Variants in ACP3 observed in about 807,000 individuals in gnomAD.
ACP3 encodes the protein prostatic acid phosphatase.
ACP3 carries 38 observed loss-of-function variants against 45.6 expected under a neutral mutation model. The ratio of observed to expected loss-of-function variants is 0.83; its 90% CI spans 0.64 to 1.09. The LOEUF (loss-of-function observed/expected upper bound fraction) is 1.09. ACP3 is among the 50% of genes least tolerant of loss of function. The pLI, the probability that ACP3 is intolerant of heterozygous loss-of-function variation, is 0.00. For missense variants in ACP3, 466 were observed against 463.2 expected (o/e 1.01, Z -0.05); for synonymous variants, 162 against 164.7 (o/e 0.98, Z 0.13).
At chr3:132,339,304 G>A (rs975382116) in intron 5 of ACP3, among the ~76,000 whole-genome samples, 7 of 152,198 alleles carry the variant, frequency 4.6e-5, no homozygotes, top group African/African-American at 1.4e-4. Context: ...AACACAGACA[G>A]AAGACTTCTG....
downstream of ACP3, among the ~76,000 whole-genome samples, chr3:132,361,094 A>T (rs80263927): frequency 1.6e-3 from 242 of 152,282 alleles, no homozygotes; most frequent in Non-Finnish European, 2.9e-3. Context: ...ATGTGCCAAC[A>T]TGTCTGTAGT....
At chr3:132,351,324 A>G (rs1209347711) in intron 8 of ACP3, among the ~76,000 whole-genome samples, 1 of 152,224 alleles carries the variant, frequency 6.6e-6, no homozygotes, top group African/African-American at 2.4e-5. Flanking sequence ...GACGCCAAGG[A>G]GAGACACAGT....
rs539207120 is a variant in ACP3 at position 132,327,499 on chromosome 3, G to A, written c.121-768G>A. On this transcript the variant is annotated intron_variant, in intron 1 of 9. Transcript: ENST00000336375. ...ATTGCACTCCAGCCTAGATGACAGAGCAAGACTCAGTCTCGAAAAAAAAAA... is the reference window on the plus strand; with the variant it reads ...ATTGCACTCCAGCCTAGATGACAGAACAAGACTCAGTCTCGAAAAAAAAAA... Among the ~76,000 whole-genome samples the A allele has an allele frequency of 2.0e-5, 3 of 148,968 alleles. No homozygotes were observed. In the East Asian group the frequency reaches 5.9e-4, roughly 29 times the overall value.
At chr3:132,367,595 G>A in intron 10 of ACP3, 1 of 819,000 alleles carries the variant, frequency 1.2e-6, no homozygotes, top group Non-Finnish European at 2.0e-6. Context: ...GGCCTCTTTA[G>A]CAACTCCTCT....
At chr3:132,356,146 G>A (rs575748569) in intron 9 of ACP3, among the ~76,000 whole-genome samples, 1 of 152,236 alleles carries the variant, frequency 6.6e-6, no homozygotes, top group Non-Finnish European at 1.5e-5. Context: ...TTTGTTCTGA[G>A]GGATAATTTT....
At chr3:132,348,596 G>C (rs1236199116) in intron 7 of ACP3, among the ~76,000 whole-genome samples, 1 of 152,174 alleles carries the variant, frequency 6.6e-6, no homozygotes, top group Admixed American at 6.5e-5. Context: ...TCAGGTGGCT[G>C]TCATGGCTCC....
intron 1 of ACP3, among the ~76,000 whole-genome samples, chr3:132,321,943 G>A (rs1180843081): frequency 6.6e-6 from 1 of 152,148 alleles, no homozygotes; most frequent in African/African-American, 2.4e-5. Flanking sequence ...GGTGTGCTCG[G>A]TATTATACTG....
intron 1 of ACP3, among the ~76,000 whole-genome samples, chr3:132,327,975 A>G (rs1463868976): frequency 2.0e-5 from 3 of 152,162 alleles, no homozygotes; most frequent in African/African-American, 7.2e-5. Context: ...TGATTCTTAC[A>G]TTACCTGAAA....
intron 9 of ACP3, among the ~76,000 whole-genome samples, chr3:132,355,241 C>T (rs1041251097): frequency 6.6e-6 from 1 of 152,166 alleles, no homozygotes; most frequent in Non-Finnish European, 1.5e-5. Flanking sequence ...TTTCTACTGG[C>T]TAAATTAGTG....
chr3:132,327,487 C>T (rs1937318639), intron 1 of ACP3, among the ~76,000 whole-genome samples: 1 of 148,778 alleles, frequency 6.7e-6, no homozygotes. Flanking sequence ...GCACTCCAGC[C>T]TAGATGACAG....
intron 1 of ACP3, among the ~76,000 whole-genome samples, chr3:132,322,770 T>G (rs566668075): frequency 6.6e-6 from 1 of 152,228 alleles, no homozygotes; most frequent in Non-Finnish European, 1.5e-5. Flanking sequence ...TGTTGAAACT[T>G]AATCCCAATG....
At chr3:132,359,618 C>T (rs1423502753), downstream of ACP3, among the ~76,000 whole-genome samples, 1 of 152,120 alleles carries the variant, frequency 6.6e-6, no homozygotes, top group Non-Finnish European at 1.5e-5. Flanking sequence ...TTTTACCCTA[C>T]CCTCTCCTTC....
At chr3:132,324,012 G>A (rs1213923799) in intron 1 of ACP3, among the ~76,000 whole-genome samples, 1 of 152,200 alleles carries the variant, frequency 6.6e-6, no homozygotes, top group African/African-American at 2.4e-5. Context: ...GAGGTCGGGA[G>A]TTCGAGACCA....
chr3:132,358,639 TTG>T lies in ACP3; in HGVS notation c.*1765_*1766del, dbSNP rs1937973453. On this transcript the variant is annotated 3_prime_UTR_variant, in exon 10 of 10. Transcript: ENST00000336375. ...CAAAGACATCGATTGATATGCTTCT[TTG>T]TGTTATTTCCCTCCCAAGTAAATGT... 9.7e-7 allele frequency: 1 copy of T among 1,036,038 alleles called. No individual in the cohort carries two copies. The highest frequency in any genetic ancestry group is 1.2e-6 in the Non-Finnish European group (1 of 854,936). 64.2% of individuals were successfully genotyped at this position (1,036,038 alleles called of 1,614,324 possible).
At position 132,332,794 on chromosome 3, in the gene ACP3, GTGCATAATCAT is replaced by G. The variant is rs548378434; in HGVS notation, c.456+454_456+464del. On this transcript the variant is annotated intron_variant, in intron 4 of 9. Coordinates refer to ENST00000336375, the MANE Select transcript of ACP3 (RefSeq NM_001099.5). ...CCTAGGTAGAGAAAAAAAGATTTGA[GTGCATAATCAT>G]TGCCTAACATTTTATGTGAATCATT... Among the ~76,000 whole-genome samples, 441 of 152,216 alleles carry G rather than the reference GTGCATAATCAT, an allele frequency of 2.9e-3. 3 individuals are homozygous for G. Among genetic ancestry groups the G allele is most frequent in the African/African-American group, 9.7e-3 (401 of 41,532 alleles).
intron 7 of ACP3, among the ~76,000 whole-genome samples, chr3:132,347,797 C>T (rs1937629318): frequency 6.6e-6 from 1 of 150,532 alleles, no homozygotes; most frequent in South Asian, 2.1e-4. Context: ...ATTTTTATTT[C>T]ATCATTTAAC....
At position 132,332,551 on chromosome 3, in the gene ACP3, T is replaced by C. The variant is rs942614237; in HGVS notation, c.456+207T>C. 12 of 577,864 alleles carry C rather than the reference T, an allele frequency of 2.1e-5. No individual in the cohort carries two copies. The Admixed American group carries it at 2.6e-4, about 12-fold the overall frequency. The allele number at this position is 577,864 out of a possible 1,614,324, so 35.8% of individuals were successfully genotyped here. A position where few individuals can be genotyped will look rare whatever the true frequency, so the allele number is the denominator to read the frequency against. On this transcript the variant is annotated intron_variant, in intron 4 of 9. Coordinates refer to ENST00000336375, the MANE Select transcript of ACP3 (RefSeq NM_001099.5). The stretch of plus-strand genomic sequence containing the variant: ...AACCAAATTTCTCTTTGGATCTGTA[T>C]GATCCACTTTGTTTTGCCACTCTTG...
intron 8 of ACP3, among the ~76,000 whole-genome samples, chr3:132,350,203 A>G (rs1361968236): frequency 6.6e-6 from 1 of 152,182 alleles, no homozygotes; most frequent in Non-Finnish European, 1.5e-5. Context: ...AAACATAAAC[A>G]CTATACAAAA....
In ACP3 at chr3:132,342,433, A is replaced by G. The variant is rs543740256; in HGVS notation, c.556-119A>G. 7 of 645,278 alleles carry G rather than the reference A, an allele frequency of 1.1e-5. No individual in the cohort carries two copies. In the South Asian group the frequency reaches 1.4e-4, roughly 13 times the overall value. 40.0% of individuals were successfully genotyped at this position (645,278 alleles called of 1,614,324 possible). A position where few individuals can be genotyped will look rare whatever the true frequency, so the allele number is the denominator to read the frequency against. ...GTGGGCAGAGGCCAGGATACTGTGA[A>G]ACATCCTATAATGCACAGGAGAGCT... is the stretch of plus-strand genomic sequence containing the variant. On this transcript the variant is annotated intron_variant, in intron 5 of 9. Coordinates refer to ENST00000336375, the MANE Select transcript of ACP3 (RefSeq NM_001099.5).
Sources: gnomAD v4.1 joint callset for allele counts (sites outside exome capture counted in the v4.1 genomes callset) on GRCh38, gnomAD v4.1.1 for gene constraint, MANE v1.5 for transcripts, NCBI Gene and HGNC (gene_info 2026-07-23, HGNC 2026-07-21) for gene names.